The following INPP5K variants were observed in gnomAD, a reference collection of about 807,000 sequenced individuals.
INPP5K encodes inositol polyphosphate-5-phosphatase K.
In INPP5K, 35 loss-of-function variants were observed where a neutral mutation model predicts 53.5. The observed-to-expected ratio is 0.65, with a 90% CI of 0.50 to 0.87. The LOEUF is 0.87. INPP5K is among the 40% of genes least tolerant of loss of function. The probability of loss-of-function intolerance (pLI) is 0.00; values close to 1 mark genes in which losing one functional copy is unlikely to be tolerated. For missense variants in INPP5K, 550 were observed against 586.2 expected (o/e 0.94, Z 0.64); for synonymous variants, 253 against 232.8 (o/e 1.09, Z -0.79).
At chr17:1,507,974 G>A (rs1422680440) in intron 6 of INPP5K, 141 bp downstream of exon 6, 4 of 695,056 alleles carry the variant, frequency 5.8e-6, no homozygotes, top group Admixed American at 2.3e-5. Flanking sequence ...CCCTGGATGC[G>A]AAGCCCTGCT....
chr17:1,515,990 T>A, intron 1 of INPP5K: 1 of 995,796 alleles, frequency 1.0e-6, no homozygotes. Context: ...AGTGGGCGAT[T>A]AGCGTTGTTC....
At chr17:1,510,744 A>C (rs2075288082) in intron 3 of INPP5K, among the ~76,000 whole-genome samples, 1 of 152,128 alleles carries the variant, frequency 6.6e-6, no homozygotes, top group Non-Finnish European at 1.5e-5. Flanking sequence ...CTCCCACCTC[A>C]GCCTCCTGAG....
rs1598354556 is a variant in INPP5K at position 1,494,624 on chromosome 17, A to G, written c.*1199T>C. The G allele has an allele frequency of 6.6e-6, 1 of 152,224 alleles. No individual in the cohort carries two copies. The highest frequency in any genetic ancestry group is 6.5e-5 in the Admixed American group (1 of 15,286). The allele number at this position is 152,224 out of a possible 1,614,324, so 9.4% of individuals were successfully genotyped here. ...CCCTGCACAATGTAACAGTCACAAA[A>G]CAGCCAGCCATGGCCTGCTGGAAGC... On this transcript the variant is annotated 3_prime_UTR_variant, in exon 12 of 12. Coordinates refer to ENST00000421807, the MANE Select transcript of INPP5K (RefSeq NM_016532.4).
rs191224030 is a variant in INPP5K, at chr17:1,498,256, C to T, written c.777-134G>A. ...ACTGGCAGCCACAGACCCCCGGGGC[C>T]AGAGCCGGAGGGAGCAAGGCAGCAG... On this transcript the variant is annotated intron_variant, in intron 7 of 11. Transcript: ENST00000421807. 1,362 of 733,422 alleles carry T rather than the reference C, an allele frequency of 1.9e-3. 26 individuals are homozygous for T. The African/African-American group carries it at 0.021, about 11-fold the overall frequency. 45.4% of individuals were successfully genotyped at this position (733,422 alleles called of 1,614,324 possible). A position where few individuals can be genotyped will look rare whatever the true frequency, so the allele number is the denominator to read the frequency against.
Position 1,507,072 on chromosome 17 carries a change from T to G in INPP5K, c.684A>C (p.Lys228Asn), listed in dbSNP as rs1411791645. Reference protein sequence around the residue: ...WEKDQLSIAKKHDPLLREFQE... With the variant: ...WEKDQLSIAKNHDPLLREFQE... The stretch of plus-strand genomic sequence containing the variant: ...GGAACTCCCGGAGCAGCGGGTCATG[T>G]TTCTTGGCAATGCTGAGCTGCAGAC... The change falls in exon 7 of 12, where the codon AAA becomes AAC. Residue 228 changes from lysine (K) to asparagine (N), a missense_variant. Transcript: ENST00000421807. The G allele has an allele frequency of 6.2e-7, 1 of 1,613,868 alleles. No individual in the cohort carries two copies. Among genetic ancestry groups the G allele is most frequent in the African/African-American group, 1.3e-5 (1 of 74,896 alleles).
In INPP5K at chr17:1,513,922, G is replaced by A. The variant is rs774687585; in HGVS notation, c.102C>T (p.Asp34=). The A allele has an allele frequency of 1.2e-6, 2 of 1,613,508 alleles. No individual in the cohort carries two copies. Among genetic ancestry groups the A allele is most frequent in the African/African-American group, 1.3e-5 (1 of 74,934 alleles). ...ASAAPPLDLS[D]LLQLNNRNLN... The stretch of plus-strand genomic sequence containing the variant: ...GGTTCCGGTTGTTCAGCTGAAGCAG[G>A]TCACTGAGATCTAGAGGGGGCGCTG... Residue 34 remains aspartate (D), a synonymous_variant, in exon 2 of 12, where the codon GAC becomes GAT. Transcript: ENST00000421807.
At chr17:1,514,040 G>A (rs557164684) in intron 1 of INPP5K, 61 bp from the exon 2 acceptor site, 15 of 1,205,284 alleles carry the variant, frequency 1.2e-5, no homozygotes, top group African/African-American at 3.1e-5. Flanking sequence ...GCACGGGGTC[G>A]GCTGGGCGCA....
chr17:1,498,785 T>G (rs756432460), intron 7 of INPP5K, among the ~76,000 whole-genome samples: 2 of 152,114 alleles, frequency 1.3e-5, no homozygotes, highest in Non-Finnish European at 2.9e-5. Flanking sequence ...AACATTTTTT[T>G]GTAAAGACAG....
chr17:1,516,475 G>A lies in INPP5K; in HGVS notation c.25C>T (p.Pro9Ser), dbSNP rs1356217019. 1.9e-6 allele frequency: 3 copies of A among 1,589,062 alleles called. No individual in the cohort carries two copies. Among genetic ancestry groups the A allele is most frequent in the Non-Finnish European group, 2.6e-6 (3 of 1,176,104 alleles). Residue 9 changes from proline (P) to serine (S), a missense_variant, in exon 1 of 12, where the codon CCG becomes TCG. Physicochemically the swap from Pro to Ser is moderately conservative, Grantham distance 74. Coordinates refer to ENST00000421807, the MANE Select transcript of INPP5K (RefSeq NM_016532.4). MSSRKLSG[P>S]KGRRLSIHVV... ...CCTCACCTGAGCCTCCTGCCTTTCG[G>A]CCCGCTCAGCTTCCGCGAGCTCATG... is the stretch of plus-strand genomic sequence containing the variant.
At chr17:1,516,194 A>T in intron 1 of INPP5K, 1 of 1,015,546 alleles carries the variant, frequency 9.8e-7, no homozygotes, top group Non-Finnish European at 1.3e-6. Context: ...AACCTCAAAC[A>T]ACCCCACACG....
At chr17:1,511,700 G>A (rs568591489) in intron 3 of INPP5K, among the ~76,000 whole-genome samples, 1 of 152,246 alleles carries the variant, frequency 6.6e-6, no homozygotes, top group East Asian at 1.9e-4. Flanking sequence ...GATGGAGGAC[G>A]GGCTGGACCA....
At chr17:1,510,904 G>A (rs2075290595) in intron 3 of INPP5K, among the ~76,000 whole-genome samples, 1 of 152,170 alleles carries the variant, frequency 6.6e-6, no homozygotes, top group Admixed American at 6.5e-5. Context: ...TGGGATTACA[G>A]GCATGAGCCA....
rs1406542841 is a variant in INPP5K at position 1,496,768 on chromosome 17, C to T, written c.999G>A (p.Leu333=). Residue 333 remains leucine (L), a synonymous_variant, in exon 9 of 12, where the codon CTG becomes CTA. Coordinates refer to ENST00000421807, the MANE Select transcript of INPP5K (RefSeq NM_016532.4). ...KPLVSAPLIV[L]MPEDLWTVEN... ...CCACGGTCCACAGGTCCTCGGGCAT[C>T]AGGACGATCAGCGGAGCAGACACCA... 10 of 1,614,076 alleles carry T rather than the reference C, an allele frequency of 6.2e-6. No homozygotes were observed. The South Asian group carries it at 7.7e-5, about 12-fold the overall frequency.
At position 1,502,191 on chromosome 17, in the gene INPP5K, T is replaced by C. The variant is rs138692475; in HGVS notation, c.777-4069A>G. On this transcript the variant is annotated intron_variant, in intron 7 of 11. Transcript: ENST00000421807. ...GGTGAAACCCCGTCTCTACTAAAAA[T>C]ACAAAAAATTAGCCAGGCGTGGTGA... is the stretch of plus-strand genomic sequence containing the variant. Among the ~76,000 whole-genome samples the C allele has an allele frequency of 1.9e-3, 286 of 148,946 alleles. 2 individuals carry two copies. The highest frequency in any genetic ancestry group is 6.9e-3 in the African/African-American group (278 of 40,190).
In INPP5K at chr17:1,516,484, G is replaced by T. The variant is rs763853475; in HGVS notation, c.16C>A (p.Leu6Met). Residue 6 changes from leucine (L) to methionine (M), a missense_variant, in exon 1 of 12, where the codon CTG becomes ATG. Transcript: ENST00000421807. ...AGCCTCCTGCCTTTCGGCCCGCTCA[G>T]CTTCCGCGAGCTCATGGCCGCCGTC... MSSRK[L>M]SGPKGRRLSI... is the part of the protein sequence containing the mutation. 14 of 1,587,016 alleles carry T rather than the reference G, an allele frequency of 8.8e-6. No homozygotes were observed. The highest frequency in any genetic ancestry group is 1.1e-5 in the South Asian group (1 of 89,382).
At chr17:1,504,431 G>A (rs2075106218) in intron 7 of INPP5K, among the ~76,000 whole-genome samples, 1 of 152,198 alleles carries the variant, frequency 6.6e-6, no homozygotes, top group African/African-American at 2.4e-5. Flanking sequence ...CTCAGGCCCT[G>A]CTCACTGCAA....
chr17:1,515,799 C>T lies in INPP5K; in HGVS notation c.44+657G>A, dbSNP rs886749878. 3 of 733,216 alleles carry T rather than the reference C, an allele frequency of 4.1e-6. No homozygotes were observed. In the African/African-American group the frequency reaches 5.8e-5, roughly 14 times the overall value. 45.4% of individuals were successfully genotyped at this position (733,216 alleles called of 1,614,324 possible). A position where few individuals can be genotyped will look rare whatever the true frequency, so the allele number is the denominator to read the frequency against. Reference sequence around the variant, plus strand: ...CAGGCACTCGGCCTGAGATTTTGAGCTTCATTTGTTTACGATCTCCCCCTG... The same window carrying T: ...CAGGCACTCGGCCTGAGATTTTGAGTTTCATTTGTTTACGATCTCCCCCTG... On this transcript the variant is annotated intron_variant, in intron 1 of 11. Coordinates refer to ENST00000421807, the MANE Select transcript of INPP5K (RefSeq NM_016532.4).
In INPP5K at chr17:1,495,091, C is replaced by T. The variant is rs2074793602; in HGVS notation, c.*732G>A. 1 of 152,266 alleles carries T rather than the reference C, an allele frequency of 6.6e-6. No homozygotes were observed. Among genetic ancestry groups the T allele is most frequent in the African/African-American group, 2.4e-5 (1 of 41,470 alleles). 9.4% of individuals were successfully genotyped at this position (152,266 alleles called of 1,614,324 possible). On this transcript the variant is annotated 3_prime_UTR_variant, in exon 12 of 12. Transcript: ENST00000421807. ...CCTTCCTCAGATGGCAGGGTGGAGG[C>T]ATGGGACTCAAGCTACCAACGGAAG...
intron 7 of INPP5K, among the ~76,000 whole-genome samples, chr17:1,503,270 G>A (rs144330198): frequency 0.072 from 10,529 of 146,502 alleles, 587 homozygotes; most frequent in South Asian, 0.29. Flanking sequence ...TGCAACCTCC[G>A]CCTCCTGGGT....
Sources: allele counts gnomAD v4.1 joint callset (sites outside exome capture counted in the v4.1 genomes callset), GRCh38; gene constraint gnomAD v4.1.1; transcripts MANE v1.5; gene names NCBI Gene and HGNC (gene_info 2026-07-23, HGNC 2026-07-21).